WWOX: variants seen among roughly 807,000 people sequenced by gnomAD.
WWOX encodes the protein WW domain containing oxidoreductase, also known as WW domain-containing oxidoreductase.
Under a neutral mutation model 46.2 loss-of-function variants are expected in WWOX, and 69 were observed. The ratio of observed to expected loss-of-function variants is 1.49; its 90% CI spans 1.23 to 1.82. The LOEUF (loss-of-function observed/expected upper bound fraction) is 1.82. Ranked by LOEUF, WWOX falls within the 40% of genes most tolerant of loss-of-function variation. WWOX has a pLI of 0.00. For synonymous variants in WWOX, 359 were observed against 202.6 expected, an observed-to-expected ratio of 1.77 and a Z score of -6.56; for missense variants, 919 against 542.6, an observed-to-expected ratio of 1.69 and a Z score of -6.89.
chr16:79,208,475 A>G (rs1663519097), intron 8 of WWOX, among the ~76,000 whole-genome samples: 1 of 152,172 alleles, frequency 6.6e-6, no homozygotes, highest in Non-Finnish European at 1.5e-5. Context: ...GTAAGCATTG[A>G]TGACAACTGG....
chr16:78,474,801 C>A (rs1181768418), intron 8 of WWOX, among the ~76,000 whole-genome samples: 2 of 152,168 alleles, frequency 1.3e-5, no homozygotes, highest in Non-Finnish European at 2.9e-5. Flanking sequence ...TTTGTATATT[C>A]TGGACATTTC....
intron 8 of WWOX, among the ~76,000 whole-genome samples, chr16:78,886,024 A>C (rs1415758736): frequency 1.3e-5 from 2 of 149,810 alleles, no homozygotes; most frequent in Non-Finnish European, 3.0e-5. Context: ...TCCCAAGTTC[A>C]AGCAATTCTC....
chr16:78,286,645 A>G (rs1388073029), intron 5 of WWOX, among the ~76,000 whole-genome samples: 2 of 151,876 alleles, frequency 1.3e-5, no homozygotes, highest in Non-Finnish European at 1.5e-5. Flanking sequence ...CACTTTTGGT[A>G]TGATTTATAA....
rs1311108185 is a variant in WWOX at position 78,644,548 on chromosome 16, G to A, written c.1056+211796G>A. ...GCAAACTCAGCTCACTGCAACCTCC[G>A]CCTACCAGGTTCAAATGATTTTCCT... On this transcript the variant is annotated intron_variant, in intron 8 of 8. Coordinates refer to ENST00000566780, the MANE Select transcript of WWOX (RefSeq NM_016373.4). 3.3e-5 allele frequency among the ~76,000 whole-genome samples: 5 copies of A among 151,530 alleles called. No homozygotes were observed. In the East Asian group the frequency reaches 5.9e-4, roughly 18 times the overall value.
intron 5 of WWOX, among the ~76,000 whole-genome samples, chr16:78,386,167 A>T (rs930034295): frequency 1.3e-5 from 2 of 152,138 alleles, no homozygotes; most frequent in African/African-American, 4.8e-5. Flanking sequence ...AATGGAGAAA[A>T]CATTGTCTTT....
chr16:79,007,155 T>G (rs918862958), intron 8 of WWOX, among the ~76,000 whole-genome samples: 1 of 152,142 alleles, frequency 6.6e-6, no homozygotes, highest in African/African-American at 2.4e-5. Context: ...CCAAAACTTA[T>G]GTTCCAGTGA....
chr16:78,820,276 A>G (rs1397379211), intron 8 of WWOX, among the ~76,000 whole-genome samples: 2 of 152,168 alleles, frequency 1.3e-5, no homozygotes, highest in African/African-American at 4.8e-5. Context: ...CAGTACCAGA[A>G]TGTCCTTTCC....
At chr16:78,622,170 C>T (rs549441346) in intron 8 of WWOX, among the ~76,000 whole-genome samples, 1 of 152,092 alleles carries the variant, frequency 6.6e-6, no homozygotes, top group Non-Finnish European at 1.5e-5. Flanking sequence ...GGATTCTATC[C>T]TTTTTCTCTC....
chr16:78,948,289 A>G (rs2045988227), intron 8 of WWOX, among the ~76,000 whole-genome samples: 1 of 151,872 alleles, frequency 6.6e-6, no homozygotes, highest in Admixed American at 6.6e-5. Flanking sequence ...ACTGTTTGGG[A>G]CCCCTGTTGC....
chr16:79,012,088 G>T (rs1395995556), intron 8 of WWOX, among the ~76,000 whole-genome samples: 3 of 152,142 alleles, frequency 2.0e-5, no homozygotes, highest in African/African-American at 7.2e-5. Context: ...GTGGACACTG[G>T]GTAGGAGGCT....
chr16:78,423,455 A>G (rs2083000017), intron 6 of WWOX, among the ~76,000 whole-genome samples: 1 of 152,112 alleles, frequency 6.6e-6, no homozygotes, highest in Admixed American at 6.5e-5. Flanking sequence ...AGCCTTGTAT[A>G]TATTTATTTT....
At chr16:79,112,856 G>A (rs936455865) in intron 8 of WWOX, among the ~76,000 whole-genome samples, 1 of 152,166 alleles carries the variant, frequency 6.6e-6, no homozygotes, top group Non-Finnish European at 1.5e-5. Context: ...ATTCTGAAGT[G>A]AGCCAAGTGA....
At chr16:78,834,830 T>G (rs923190539) in intron 8 of WWOX, among the ~76,000 whole-genome samples, 1 of 152,216 alleles carries the variant, frequency 6.6e-6, no homozygotes, top group Non-Finnish European at 1.5e-5. Flanking sequence ...TATATAAATA[T>G]GAAGCTTTAG....
rs1224780532 is a variant in WWOX at position 78,778,235 on chromosome 16, C to G, written c.1056+345483C>G. On this transcript the variant is annotated intron_variant, in intron 8 of 8. Coordinates refer to ENST00000566780, the MANE Select transcript of WWOX (RefSeq NM_016373.4). Reference sequence around the variant, plus strand: ...CCAGGCAGCCTATTTCTTGAATAACCTCCCATCCCCTGTGTCTCCTTTGTG... The same window carrying G: ...CCAGGCAGCCTATTTCTTGAATAACGTCCCATCCCCTGTGTCTCCTTTGTG... Among the ~76,000 whole-genome samples the G allele has an allele frequency of 3.9e-5, 6 of 151,998 alleles. No individual in the cohort carries two copies. In the South Asian group the frequency reaches 6.2e-4, roughly 16 times the overall value.
chr16:79,121,191 C>T (rs2049623793), intron 8 of WWOX, among the ~76,000 whole-genome samples: 1 of 152,184 alleles, frequency 6.6e-6, no homozygotes, highest in East Asian at 1.9e-4. Flanking sequence ...AATAGAGTCA[C>T]AGTTACAGGT....
intron 5 of WWOX, among the ~76,000 whole-genome samples, chr16:78,178,874 A>AG (rs11411438): frequency 0.13 from 19,858 of 151,608 alleles, 1,399 homozygotes; most frequent in South Asian, 0.22. Context: ...AAAAAAAAAA[A>AG]AAAAGTAATC....
At chr16:78,751,794 G>A (rs2049487298) in intron 8 of WWOX, among the ~76,000 whole-genome samples, 1 of 151,722 alleles carries the variant, frequency 6.6e-6, no homozygotes, top group Admixed American at 6.6e-5. Flanking sequence ...GGGAAAGAGA[G>A]AGAGAGAAAA....
At chr16:79,161,782 G>C (rs994912365) in intron 8 of WWOX, among the ~76,000 whole-genome samples, 1 of 152,244 alleles carries the variant, frequency 6.6e-6, no homozygotes, top group African/African-American at 2.4e-5. Context: ...GCCTGCCAAA[G>C]TGCTGGGATT....
intron 7 of WWOX, among the ~76,000 whole-genome samples, chr16:78,429,226 A>G (rs1018814123): frequency 3.3e-5 from 5 of 152,244 alleles, no homozygotes; most frequent in Non-Finnish European, 5.9e-5. Context: ...GGAGCAATGT[A>G]CAGATAGAAC....
Sources: allele counts gnomAD v4.1 joint callset (sites outside exome capture counted in the v4.1 genomes callset), GRCh38; gene constraint gnomAD v4.1.1; transcripts MANE v1.5; gene names NCBI Gene and HGNC (gene_info 2026-07-23, HGNC 2026-07-21).